Variants in B4GALT5 observed in about 807,000 individuals in gnomAD.
The protein encoded by B4GALT5 is beta-1,4-galactosyltransferase 5.
In B4GALT5, 11 loss-of-function variants were observed where a neutral mutation model predicts 45.0. The ratio of observed to expected loss-of-function variants is 0.24; its 90% CI spans 0.15 to 0.40. The LOEUF is 0.40. Ranked by LOEUF, B4GALT5 falls within the 10% of genes least tolerant of loss-of-function variation. The probability of loss-of-function intolerance (pLI) is 1.00; values close to 1 mark genes in which losing one functional copy is unlikely to be tolerated. For missense variants in B4GALT5, 337 were observed against 500.2 expected (o/e 0.67, Z 3.11); for synonymous variants, 185 against 182.9 (o/e 1.01, Z -0.09).
chr20:49,673,280 T>C (rs2085723580), intron 1 of B4GALT5, among the ~76,000 whole-genome samples: 1 of 151,872 alleles, frequency 6.6e-6, no homozygotes, highest in Non-Finnish European at 1.5e-5. Flanking sequence ...CTCAGGAGGC[T>C]GAGACAGGAG....
rs1011877893 is a variant in B4GALT5, at chr20:49,638,864, A to C, written c.917+814T>G. Reference sequence around the variant, plus strand: ...AGATTCTAAATATACACCAGGAAATAGTTACATAAATTACAGTACATCTAT... The same window carrying C: ...AGATTCTAAATATACACCAGGAAATCGTTACATAAATTACAGTACATCTAT... On this transcript the variant is annotated intron_variant, in intron 7 of 8. Transcript: ENST00000371711. Among the ~76,000 whole-genome samples, 8 of 152,354 alleles carry C rather than the reference A, an allele frequency of 5.3e-5. No individual in the cohort carries two copies. The East Asian group carries it at 1.5e-3, about 29-fold the overall frequency.
intron 1 of B4GALT5, among the ~76,000 whole-genome samples, chr20:49,663,995 C>A (rs1262491418): frequency 6.6e-6 from 1 of 151,928 alleles, no homozygotes; most frequent in African/African-American, 2.4e-5. Context: ...AGTCAAAACA[C>A]ATATTCAATG....
At chr20:49,711,968 C>G (rs1381131657) in intron 1 of B4GALT5, among the ~76,000 whole-genome samples, 1 of 152,146 alleles carries the variant, frequency 6.6e-6, no homozygotes, top group Non-Finnish European at 1.5e-5. Context: ...ACAGCTAAAC[C>G]ATCAACCCTT....
At chr20:49,663,690 AATATATACATATATATAT>A (rs1399663747) in intron 1 of B4GALT5, among the ~76,000 whole-genome samples, 2 of 96,940 alleles carry the variant, frequency 2.1e-5, no homozygotes, top group Non-Finnish European at 2.0e-5. Flanking sequence ...AAAAAAAAAA[AATATATACATATATATAT>A]ATATATATAT....
At chr20:49,669,837 G>A (rs187487731) in intron 1 of B4GALT5, among the ~76,000 whole-genome samples, 98 of 152,202 alleles carry the variant, frequency 6.4e-4, no homozygotes, top group African/African-American at 2.3e-3. Flanking sequence ...AAAGGTCATA[G>A]TGAAACTGAT....
chr20:49,685,004 CAG>C (rs2085779675), intron 1 of B4GALT5, among the ~76,000 whole-genome samples: 1 of 152,166 alleles, frequency 6.6e-6, no homozygotes, highest in Admixed American at 6.5e-5. Context: ...ATATAGTACA[CAG>C]AGTTTCCATG....
chr20:49,694,551 C>T (rs1239442888), intron 1 of B4GALT5, among the ~76,000 whole-genome samples: 1 of 151,724 alleles, frequency 6.6e-6, no homozygotes, highest in East Asian at 1.9e-4. Context: ...GTGGGAGGAT[C>T]ACTTGGGCCC....
chr20:49,706,824 C>T (rs868217837), intron 1 of B4GALT5, among the ~76,000 whole-genome samples: 115 of 152,260 alleles, frequency 7.6e-4, no homozygotes, highest in Middle Eastern at 3.4e-3. Flanking sequence ...TCACTTCTTA[C>T]GTGCTAAGGT....
chr20:49,640,422 A>C, intron 6 of B4GALT5, 56 bp downstream of exon 6: 1 of 1,452,580 alleles, frequency 6.9e-7, no homozygotes, highest in Non-Finnish European at 9.1e-7. Flanking sequence ...TCCTTTTCAC[A>C]TCGCTCACCA....
intron 1 of B4GALT5, among the ~76,000 whole-genome samples, chr20:49,694,507 G>A (rs1421429810): frequency 6.6e-6 from 1 of 151,898 alleles, no homozygotes; most frequent in Non-Finnish European, 1.5e-5. Flanking sequence ...TTTTTAAAAA[G>A]TAGCTACTGG....
chr20:49,713,425 C>T (rs2085928536), intron 1 of B4GALT5, 151 bp downstream of exon 1: 3 of 690,152 alleles, frequency 4.3e-6, no homozygotes, highest in Non-Finnish European at 6.9e-6. Context: ...AATGTCCTGG[C>T]GTCCCCGAGA....
chr20:49,694,216 G>A (rs943606887), intron 1 of B4GALT5, among the ~76,000 whole-genome samples: 16 of 152,084 alleles, frequency 1.1e-4, no homozygotes, highest in African/African-American at 3.4e-4. Flanking sequence ...ATAGAGAGGC[G>A]ATGTGCCTAG....
chr20:49,680,517 TTA>T (rs1407490256), intron 1 of B4GALT5, among the ~76,000 whole-genome samples: 3 of 152,112 alleles, frequency 2.0e-5, no homozygotes, highest in Non-Finnish European at 2.9e-5. Flanking sequence ...AGTACAAATA[TTA>T]TATGATTCCA....
chr20:49,708,241 C>A (rs1459833231), intron 1 of B4GALT5, among the ~76,000 whole-genome samples: 2 of 151,936 alleles, frequency 1.3e-5, no homozygotes, highest in Non-Finnish European at 2.9e-5. Flanking sequence ...CGAGAGACTT[C>A]ATCTCAAAAA....
intron 1 of B4GALT5, among the ~76,000 whole-genome samples, chr20:49,706,044 T>C (rs1055502124): frequency 8.0e-5 from 12 of 150,034 alleles, no homozygotes; most frequent in Non-Finnish European, 1.5e-4. Flanking sequence ...AAAAAAAAAT[T>C]AGCTGGGCAT....
chr20:49,674,892 G>A (rs1399848030), intron 1 of B4GALT5, among the ~76,000 whole-genome samples: 1 of 152,118 alleles, frequency 6.6e-6, no homozygotes, highest in East Asian at 1.9e-4. Flanking sequence ...CCTGCCTCTG[G>A]AATTTCAGTT....
chr20:49,682,638 CCT>C (rs1416581497), intron 1 of B4GALT5, among the ~76,000 whole-genome samples: 1 of 152,144 alleles, frequency 6.6e-6, no homozygotes, highest in East Asian at 1.9e-4. Flanking sequence ...TGCAAAATTT[CCT>C]CTCTCTACTC....
rs144410043 is a variant in B4GALT5, at chr20:49,687,425, C to T, written c.115+26151G>A. On this transcript the variant is annotated intron_variant, in intron 1 of 8. Coordinates refer to ENST00000371711, the MANE Select transcript of B4GALT5 (RefSeq NM_004776.4). ...CTTTGAGAGGCTGAGGTGGGCGGATCATAAGGTCAGTAGTTCGAGACCAGC... is the reference window on the plus strand; with the variant it reads ...CTTTGAGAGGCTGAGGTGGGCGGATTATAAGGTCAGTAGTTCGAGACCAGC... 8.6e-3 allele frequency among the ~76,000 whole-genome samples: 1,303 copies of T among 152,254 alleles called. 6 individuals are homozygous for T. The highest frequency in any genetic ancestry group is 0.016 in the Non-Finnish European group (1,060 of 68,000).
rs975564658 is a variant in B4GALT5 at position 49,634,988 on chromosome 20, G to A, written c.*1324C>T. 9 of 152,384 alleles carry A rather than the reference G, an allele frequency of 5.9e-5. No individual in the cohort carries two copies. The highest frequency in any genetic ancestry group is 2.2e-4 in the African/African-American group (9 of 41,570). The allele number at this position is 152,384 out of a possible 1,614,324, so 9.4% of individuals were successfully genotyped here. On this transcript the variant is annotated 3_prime_UTR_variant, in exon 9 of 9. Transcript: ENST00000371711. ...CAAAGCTTCAATCCGGTCTTACCTGGATCCCAGCTGCCCCACAGCACACAA... is the reference window on the plus strand; with the variant it reads ...CAAAGCTTCAATCCGGTCTTACCTGAATCCCAGCTGCCCCACAGCACACAA...
Sources: allele counts gnomAD v4.1 joint callset (sites outside exome capture counted in the v4.1 genomes callset), GRCh38; gene constraint gnomAD v4.1.1; transcripts MANE v1.5; gene names NCBI Gene and HGNC (gene_info 2026-07-23, HGNC 2026-07-21).